The following CAPS2 variants were observed in gnomAD, a reference collection of about 807,000 sequenced individuals.
CAPS2 encodes the protein calcyphosin-2.
Under a neutral mutation model 86.5 loss-of-function variants are expected in CAPS2, and 98 were observed. The observed-to-expected ratio is 1.13, with a 90% CI of 0.96 to 1.34. The LOEUF (loss-of-function observed/expected upper bound fraction) is 1.34, where lower values mean the gene tolerates loss of function less well. CAPS2 is among the 40% of genes most tolerant of loss of function. The pLI, the probability that CAPS2 is intolerant of heterozygous loss-of-function variation, is 0.00. For missense variants in CAPS2, 729 were observed against 686.8 expected (o/e 1.06, Z -0.69); for synonymous variants, 210 against 225.1 (o/e 0.93, Z 0.60).
At chr12:75,380,481 C>A (rs1360948251) in intron 1 of CAPS2, among the ~76,000 whole-genome samples, 1 of 152,140 alleles carries the variant, frequency 6.6e-6, no homozygotes. Flanking sequence ...TTGCTTCTTG[C>A]AGCTAGGGAA....
intron 1 of CAPS2, among the ~76,000 whole-genome samples, chr12:75,372,942 T>C (rs1175401655): frequency 6.6e-6 from 1 of 152,200 alleles, no homozygotes; most frequent in African/African-American, 2.4e-5. Context: ...AGAGGCATTT[T>C]GTTTGCAGAT....
chr12:75,349,535 T>C (rs899234904), intron 1 of CAPS2, among the ~76,000 whole-genome samples: 2 of 152,144 alleles, frequency 1.3e-5, no homozygotes, highest in African/African-American at 4.8e-5. Flanking sequence ...AATGCAGAAC[T>C]TACACAGATG....
intron 1 of CAPS2, among the ~76,000 whole-genome samples, chr12:75,351,550 G>GT (rs1175807861): frequency 0.015 from 1,982 of 131,014 alleles, 32 homozygotes; most frequent in African/African-American, 0.041. Flanking sequence ...GTTTTGTTTT[G>GT]TTTTTTTTTT....
At chr12:75,333,413 G>A (rs1029719484), upstream of CAPS2, among the ~76,000 whole-genome samples, 1 of 151,778 alleles carries the variant, frequency 6.6e-6, no homozygotes, top group South Asian at 2.1e-4. Flanking sequence ...TAACTGTATT[G>A]ATTTATCTAT....
At chr12:75,333,640 T>G (rs1431627919), upstream of CAPS2, among the ~76,000 whole-genome samples, 3 of 152,208 alleles carry the variant, frequency 2.0e-5, no homozygotes, top group Admixed American at 2.0e-4. Flanking sequence ...TTTCTTATAA[T>G]CTAATTTTCT....
At chr12:75,367,100 A>T (rs2139663688) in intron 1 of CAPS2, 1 of 692,284 alleles carries the variant, frequency 1.4e-6, no homozygotes, top group East Asian at 2.7e-5. Context: ...ATTTGGGGAG[A>T]AAACGTAATG....
At chr12:75,299,562 A>G (rs2037459536) in intron 9 of CAPS2, among the ~76,000 whole-genome samples, 1 of 152,152 alleles carries the variant, frequency 6.6e-6, no homozygotes, top group African/African-American at 2.4e-5. Context: ...TCTAGTAGTA[A>G]TATAACTCTA....
At chr12:75,342,337 G>A (rs567420025) in intron 1 of CAPS2, among the ~76,000 whole-genome samples, 2 of 152,258 alleles carry the variant, frequency 1.3e-5, no homozygotes, top group South Asian at 4.1e-4. Flanking sequence ...TTCTTATTTT[G>A]ATATCATACT....
chr12:75,298,295 G>A (rs2037237712), intron 11 of CAPS2: 2 of 176,366 alleles, frequency 1.1e-5, no homozygotes, highest in Non-Finnish European at 2.4e-5. Flanking sequence ...AGCTCCAGAG[G>A]CCCATACCCC....
At chr12:75,375,367 T>A (rs1192681794) in intron 1 of CAPS2, among the ~76,000 whole-genome samples, 1 of 152,162 alleles carries the variant, frequency 6.6e-6, no homozygotes, top group East Asian at 1.9e-4. Flanking sequence ...CAATGTCAGC[T>A]CAGAGCCAAT....
chr12:75,278,743 GAAAACAAAAC>G (rs1047449500), exon 17 of CAPS2: 2 of 1,325,760 alleles, frequency 1.5e-6, no homozygotes, highest in African/African-American at 3.0e-5. Flanking sequence ...ACATTTTTGA[GAAAACAAAAC>G]AAAACAAAAC....
At chr12:75,347,332 T>C (rs2042520679) in intron 1 of CAPS2, among the ~76,000 whole-genome samples, 1 of 152,122 alleles carries the variant, frequency 6.6e-6, no homozygotes, top group Non-Finnish European at 1.5e-5. Context: ...ATAAATAATC[T>C]AGAAGAAATT....
At chr12:75,351,550 G>GTTTT (rs1175807861) in intron 1 of CAPS2, among the ~76,000 whole-genome samples, 2 of 131,082 alleles carry the variant, frequency 1.5e-5, no homozygotes, top group African/African-American at 2.7e-5. Context: ...GTTTTGTTTT[G>GTTTT]TTTTTTTTTT....
At chr12:75,302,907 T>A (rs890812526) in intron 8 of CAPS2, among the ~76,000 whole-genome samples, 1 of 152,122 alleles carries the variant, frequency 6.6e-6, no homozygotes, top group African/African-American at 2.4e-5. Context: ...ACAAGAACAC[T>A]CATACTGCTA....
chr12:75,353,005 G>A (rs11543412), intron 1 of CAPS2, among the ~76,000 whole-genome samples: 25,650 of 152,024 alleles, frequency 0.17, 2,586 homozygotes, highest in South Asian at 0.38. Context: ...AGTATTAAGA[G>A]GGAAATTTAT....
chr12:75,279,506 A>G (rs1210209270), intron 16 of CAPS2, among the ~76,000 whole-genome samples: 1 of 152,024 alleles, frequency 6.6e-6, no homozygotes, highest in Admixed American at 6.6e-5. Flanking sequence ...CTTAGATGGG[A>G]ATACTACTCA....
chr12:75,306,088 G>A (rs1167706422), intron 7 of CAPS2: 2 of 1,448,760 alleles, frequency 1.4e-6, no homozygotes, highest in African/African-American at 1.4e-5. Flanking sequence ...CTGGGGCTGC[G>A]GCCCTGGAAG....
intron 1 of CAPS2, among the ~76,000 whole-genome samples, chr12:75,340,274 G>A (rs866625795): frequency 1.2e-4 from 18 of 151,704 alleles, no homozygotes; most frequent in Admixed American, 5.3e-4. Flanking sequence ...GTGTGTGCTA[G>A]TGTCTTTTTC....
intron 14 of CAPS2, among the ~76,000 whole-genome samples, chr12:75,288,950 A>G (rs1308377922): frequency 6.6e-6 from 1 of 152,204 alleles, no homozygotes; most frequent in African/African-American, 2.4e-5. Flanking sequence ...TCCTTTAGAC[A>G]GAAGTGTCAG....
Sources: gnomAD v4.1 joint callset for allele counts (sites outside exome capture counted in the v4.1 genomes callset) on GRCh38, gnomAD v4.1.1 for gene constraint, MANE v1.5 for transcripts, NCBI Gene and HGNC (gene_info 2026-07-23, HGNC 2026-07-21) for gene names.